Variants in TRIM24 observed in about 807,000 individuals in gnomAD.
TRIM24 encodes tripartite motif containing 24.
Under a neutral mutation model 123.9 loss-of-function variants are expected in TRIM24, and 29 were observed. The ratio of observed to expected loss-of-function variants is 0.23; its 90% CI spans 0.17 to 0.32. The LOEUF (loss-of-function observed/expected upper bound fraction) is 0.32. Ranked by LOEUF, TRIM24 falls within the 10% of genes least tolerant of loss-of-function variation. The pLI, the probability that TRIM24 is intolerant of heterozygous loss-of-function variation, is 1.00. For missense variants in TRIM24, 932 were observed against 1,295.3 expected (o/e 0.72, Z 4.31); for synonymous variants, 456 against 461.1 (o/e 0.99, Z 0.14).
intron 1 of TRIM24, among the ~76,000 whole-genome samples, chr7:138,494,460 A>G (rs1795859815): frequency 6.6e-6 from 1 of 151,936 alleles, no homozygotes; most frequent in African/African-American, 2.4e-5. Context: ...ATTAACATGA[A>G]TGGTGGCTCA....
chr7:138,521,058 A>G (rs1329620236), intron 4 of TRIM24, among the ~76,000 whole-genome samples: 1 of 152,262 alleles, frequency 6.6e-6, no homozygotes, highest in Non-Finnish European at 1.5e-5. Context: ...GCAAAAAGAA[A>G]GTAACTTTCA....
At position 138,559,537 on chromosome 7, in the gene TRIM24, T is replaced by C. The variant is rs1241670400; in HGVS notation, c.1530+4571T>C. Reference sequence around the variant, plus strand: ...CCTGATGGTGCTCACGCTTCAGCCGTGCATAGACTAGTCAGCTTCTGGGGT... The same window carrying C: ...CCTGATGGTGCTCACGCTTCAGCCGCGCATAGACTAGTCAGCTTCTGGGGT... On this transcript the variant is annotated intron_variant, in intron 9 of 18. Transcript: ENST00000343526. 5.9e-5 allele frequency among the ~76,000 whole-genome samples: 9 copies of C among 152,324 alleles called. No homozygotes were observed. In the East Asian group the frequency reaches 1.5e-3, roughly 26 times the overall value.
chr7:138,570,696 C>G, intron 10 of TRIM24, 134 bp from the exon 11 acceptor site: 5 of 612,262 alleles, frequency 8.2e-6, no homozygotes, highest in South Asian at 3.2e-5. Flanking sequence ...CTTGTGCAGT[C>G]TTTTGCTGTC....
chr7:138,472,290 TAAAA>T (rs201465433), intron 1 of TRIM24, among the ~76,000 whole-genome samples: 2 of 137,912 alleles, frequency 1.5e-5, no homozygotes, highest in African/African-American at 2.7e-5. Context: ...ACTGAATTTA[TAAAA>T]AAAAAAAAAG....
chr7:138,531,283 A>G (rs1296991582), intron 6 of TRIM24, among the ~76,000 whole-genome samples: 1 of 148,376 alleles, frequency 6.7e-6, no homozygotes, highest in African/African-American at 2.6e-5. Context: ...TGTGTTACAT[A>G]TGTATACATG....
chr7:138,537,819 C>T (rs561273269), intron 6 of TRIM24, among the ~76,000 whole-genome samples: 5 of 152,216 alleles, frequency 3.3e-5, no homozygotes, highest in Admixed American at 1.3e-4. Flanking sequence ...GATCTGGGTT[C>T]GCTTTTTATT....
At chr7:138,557,972 A>G (rs964731121) in intron 9 of TRIM24, among the ~76,000 whole-genome samples, 2 of 152,128 alleles carry the variant, frequency 1.3e-5, no homozygotes, top group African/African-American at 2.4e-5. Flanking sequence ...TCATCTTTCT[A>G]ATTCCTATGG....
rs760188862 is a variant in TRIM24 at position 138,554,956 on chromosome 7, T to A, written c.1520T>A (p.Ile507Asn). The stretch of plus-strand genomic sequence containing the variant: ...CAGGGGCCCATCCAGCAACCTTCCA[T>A]CTCTCATCAGGTAAATTTGGAAGCA... ...RMQGPIQQPS[I>N]SHQQPPPRLI... Residue 507 changes from isoleucine (I) to asparagine (N), a missense_variant, in exon 9 of 19, where the codon ATC becomes AAC. Physicochemically the swap from Ile to Asn is moderately radical, Grantham distance 149. Transcript: ENST00000343526. This position sits in a 1 kb window ranked among gnomAD's most constrained non-coding sequence, Gnocchi z 4.5. 1.2e-6 allele frequency: 2 copies of A among 1,613,766 alleles called. No homozygotes were observed. The highest frequency in any genetic ancestry group is 1.7e-6 in the Non-Finnish European group (2 of 1,179,758).
At chr7:138,567,711 C>T (rs1797565595) in intron 10 of TRIM24, 57 bp downstream of exon 10, 5 of 1,488,486 alleles carry the variant, frequency 3.4e-6, no homozygotes, top group Non-Finnish European at 4.5e-6. Context: ...ACTTTCAAAT[C>T]ACAAAGAATT....
intron 7 of TRIM24, among the ~76,000 whole-genome samples, chr7:138,550,047 GA>G (rs1458475545): frequency 5.3e-5 from 8 of 152,038 alleles, no homozygotes; most frequent in Non-Finnish European, 1.0e-4. Context: ...GATTCAAAAA[GA>G]AAAAAGAAAG....
intron 1 of TRIM24, among the ~76,000 whole-genome samples, chr7:138,494,833 T>C (rs1476869870): frequency 6.6e-6 from 1 of 152,186 alleles, no homozygotes; most frequent in East Asian, 1.9e-4. Context: ...TAAGAATTTA[T>C]TTTAAGGGTA....
intron 9 of TRIM24, among the ~76,000 whole-genome samples, chr7:138,565,636 A>G (rs896196376): frequency 1.3e-5 from 2 of 152,190 alleles, no homozygotes; most frequent in East Asian, 3.9e-4. Flanking sequence ...GGAGAGACCA[A>G]TAGGTAGAAG....
Position 138,529,102 on chromosome 7 carries a change from G to A in TRIM24, c.882-14G>A, listed in dbSNP as rs372283590. On this transcript the variant is annotated splice_polypyrimidine_tract_variant and intron_variant, in intron 5 of 18. Coordinates refer to ENST00000343526, the MANE Select transcript of TRIM24 (RefSeq NM_015905.3). ...AAAAAACTGCCTTATGTTTTTCCCC[G>A]TTTTAATTTTCAGAATTATTGAAGT... 72 of 1,471,582 alleles carry A rather than the reference G, an allele frequency of 4.9e-5. No homozygotes were observed. Among genetic ancestry groups the A allele is most frequent in the South Asian group, 3.3e-4 (25 of 75,958 alleles). The allele number at this position is 1,471,582 out of a possible 1,614,324, so 91.2% of individuals were successfully genotyped here. A position where few individuals can be genotyped will look rare whatever the true frequency, so the allele number is the denominator to read the frequency against.
intron 10 of TRIM24, among the ~76,000 whole-genome samples, chr7:138,569,845 T>C (rs1797616753): frequency 6.6e-6 from 1 of 152,222 alleles, no homozygotes; most frequent in African/African-American, 2.4e-5. Flanking sequence ...GCATGAAAAT[T>C]TTCAAACATA....
intron 18 of TRIM24, 145 bp from the exon 19 acceptor site, chr7:138,584,597 C>CCTT: frequency 3.5e-6 from 2 of 567,172 alleles, no homozygotes; most frequent in East Asian, 6.4e-5. Flanking sequence ...TTTTAGCTGG[C>CCTT]CTTCTGTACA....
chr7:138,577,343 A>C (rs1797781491), intron 13 of TRIM24, 77 bp from the exon 14 acceptor site: 1 of 1,190,972 alleles, frequency 8.4e-7, no homozygotes. Flanking sequence ...GTATTTTAGA[A>C]AGTTGTTGTT....
At chr7:138,536,470 G>A (rs913037273) in intron 6 of TRIM24, among the ~76,000 whole-genome samples, 6 of 152,210 alleles carry the variant, frequency 3.9e-5, no homozygotes, top group African/African-American at 1.4e-4. Context: ...TTGGAGTTTG[G>A]TGGAGGTCCA....
At chr7:138,472,684 T>G (rs956993599) in intron 1 of TRIM24, among the ~76,000 whole-genome samples, 1 of 152,154 alleles carries the variant, frequency 6.6e-6, no homozygotes. Flanking sequence ...ATCTAGTGCC[T>G]TTTTGAAGCA....
At chr7:138,505,514 T>G (rs1796133482) in intron 2 of TRIM24, among the ~76,000 whole-genome samples, 1 of 141,014 alleles carries the variant, frequency 7.1e-6, no homozygotes, top group Non-Finnish European at 1.5e-5. Flanking sequence ...GTGGTGGTTG[T>G]TGTTGTTGTT....
Sources: gnomAD v4.1 joint callset for allele counts (sites outside exome capture counted in the v4.1 genomes callset) on GRCh38, gnomAD v4.1.1 for gene constraint, Gnocchi (gnomAD v3.1) non-coding constraint, MANE v1.5 for transcripts, NCBI Gene and HGNC (gene_info 2026-07-23, HGNC 2026-07-21) for gene names.